The following PACS1 variants were observed in gnomAD, a reference collection of about 807,000 sequenced individuals.
The protein encoded by PACS1 is phosphofurin acidic cluster sorting protein 1.
Under a neutral mutation model 115.0 loss-of-function variants are expected in PACS1, and 24 were observed. The ratio of observed to expected loss-of-function variants is 0.21; its 90% confidence interval spans 0.15 to 0.29. The LOEUF is 0.29. Among genes scored for constraint, PACS1 ranks in the 10% least tolerant of loss-of-function variants. The probability of loss-of-function intolerance (pLI) is 1.00; values close to 1 mark genes in which losing one functional copy is unlikely to be tolerated. For synonymous variants in PACS1, 453 were observed against 504.5 expected, an observed-to-expected ratio of 0.90 and a Z score of 1.37; for missense variants, 838 against 1,251.2, an observed-to-expected ratio of 0.67 and a Z score of 4.98.
At chr11:66,142,587 C>CTCA (rs1414457935) in intron 1 of PACS1, among the ~76,000 whole-genome samples, 2 of 142,482 alleles carry the variant, frequency 1.4e-5, no homozygotes, top group East Asian at 4.1e-4. Context: ...GGACTACAGG[C>CTCA]GTGAGGCACT....
At chr11:66,151,959 G>A (rs1170255414) in intron 1 of PACS1, among the ~76,000 whole-genome samples, 1 of 152,220 alleles carries the variant, frequency 6.6e-6, no homozygotes, top group Non-Finnish European at 1.5e-5. Flanking sequence ...GAGGCCGGGT[G>A]CAGTGGCTTA....
chr11:66,132,620 A>T (rs1858729970), intron 1 of PACS1, among the ~76,000 whole-genome samples: 1 of 152,194 alleles, frequency 6.6e-6, no homozygotes, highest in Non-Finnish European at 1.5e-5. Flanking sequence ...AAAAGTCTGT[A>T]CATGTTCAGT....
At chr11:66,237,388 T>C (rs1271611597) in intron 19 of PACS1, among the ~76,000 whole-genome samples, 1 of 152,220 alleles carries the variant, frequency 6.6e-6, no homozygotes, top group Admixed American at 6.5e-5. Context: ...TGTAATTTCC[T>C]TGAGGCTCCC....
intron 1 of PACS1, among the ~76,000 whole-genome samples, chr11:66,112,816 C>T (rs1223279666): frequency 6.6e-6 from 1 of 152,140 alleles, no homozygotes; most frequent in Admixed American, 6.5e-5. Context: ...ATAACAAAAG[C>T]TGGAAAGAAC....
chr11:66,079,085 T>G (rs552452188), intron 1 of PACS1, among the ~76,000 whole-genome samples: 1 of 152,280 alleles, frequency 6.6e-6, no homozygotes, highest in Admixed American at 6.5e-5. Flanking sequence ...TTTTTGTATT[T>G]TTAGTAGAGA....
At chr11:66,071,677 G>A (rs978934288) in intron 1 of PACS1, among the ~76,000 whole-genome samples, 17 of 152,118 alleles carry the variant, frequency 1.1e-4, no homozygotes, top group African/African-American at 3.6e-4. Context: ...GTGTGGAGCT[G>A]GTTTCACCCA....
chr11:66,185,789 T>C (rs1287423491), intron 1 of PACS1, among the ~76,000 whole-genome samples: 1 of 152,204 alleles, frequency 6.6e-6, no homozygotes, highest in African/African-American at 2.4e-5. Context: ...CACTGCCCTT[T>C]AAAATGGACT....
At chr11:66,238,069 C>T (rs1855739715) in intron 19 of PACS1, 1 of 985,244 alleles carries the variant, frequency 1.0e-6, no homozygotes, top group African/African-American at 1.7e-5. Context: ...AGCCTGGATG[C>T]TCACCTAGTC....
In PACS1 at chr11:66,235,423, G is replaced by C; in HGVS notation, c.2207+20G>C. On this transcript the variant is annotated intron_variant, in intron 18 of 23. Coordinates refer to ENST00000320580, the MANE Select transcript of PACS1 (RefSeq NM_018026.4). The surrounding 1 kb of genome is among the most constrained non-coding windows in gnomAD (Gnocchi z 5.6). ...TAAGTTGTAAGTTTGACTTTGAGGG[G>C]TTTCTTAAAAATAGGTTGGGTGGGT... 4 of 1,573,404 alleles carry C rather than the reference G, an allele frequency of 2.5e-6. No homozygotes were observed. The South Asian group carries it at 4.4e-5, about 17-fold the overall frequency.
intron 1 of PACS1, among the ~76,000 whole-genome samples, chr11:66,139,808 C>G (rs1281970774): frequency 1.3e-5 from 2 of 152,144 alleles, no homozygotes; most frequent in Non-Finnish European, 2.9e-5. Flanking sequence ...CTGCAGTAAA[C>G]ATGGGAATGC....
chr11:66,137,602 C>T (rs1400736282), intron 1 of PACS1, among the ~76,000 whole-genome samples: 1 of 152,194 alleles, frequency 6.6e-6, no homozygotes, highest in Non-Finnish European at 1.5e-5. Context: ...TCCTTCCTGC[C>T]TCAGCAGCCT....
chr11:66,119,828 C>T (rs1269307519), intron 1 of PACS1, among the ~76,000 whole-genome samples: 1 of 152,190 alleles, frequency 6.6e-6, no homozygotes, highest in Non-Finnish European at 1.5e-5. Context: ...GACGTCAGAA[C>T]TGTCCTTTAA....
chr11:66,110,566 G>T (rs1213693993), intron 1 of PACS1, among the ~76,000 whole-genome samples: 1 of 151,382 alleles, frequency 6.6e-6, no homozygotes, highest in African/African-American at 2.4e-5. Context: ...CTTTCCTGTA[G>T]TTTTTTTTTG....
chr11:66,144,545 T>G (rs181064796), intron 1 of PACS1, among the ~76,000 whole-genome samples: 2 of 152,340 alleles, frequency 1.3e-5, no homozygotes, highest in East Asian at 3.9e-4. Flanking sequence ...AATATAGAGT[T>G]GTACGGCAAT....
chr11:66,181,516 A>G (rs1443472103), intron 1 of PACS1, among the ~76,000 whole-genome samples: 1 of 152,034 alleles, frequency 6.6e-6, no homozygotes, highest in African/African-American at 2.4e-5. Context: ...ACCCGGCCCT[A>G]TTGCTCTTTT....
intron 1 of PACS1, among the ~76,000 whole-genome samples, chr11:66,155,339 T>C (rs1859326033): frequency 6.6e-6 from 1 of 152,158 alleles, no homozygotes; most frequent in Non-Finnish European, 1.5e-5. Flanking sequence ...ATGTACAATA[T>C]GGGATAAAAT....
At chr11:66,104,778 G>A (rs1210462912) in intron 1 of PACS1, among the ~76,000 whole-genome samples, 1 of 152,124 alleles carries the variant, frequency 6.6e-6, no homozygotes, top group Non-Finnish European at 1.5e-5. Context: ...TTTATAGCCT[G>A]AGAAAGTAAG....
intron 1 of PACS1, among the ~76,000 whole-genome samples, chr11:66,113,894 A>G (rs1858243453): frequency 6.6e-6 from 1 of 152,194 alleles, no homozygotes. Flanking sequence ...ATATATGACC[A>G]CAGCCTCATA....
intron 1 of PACS1, among the ~76,000 whole-genome samples, chr11:66,104,981 G>A (rs1293362949): frequency 6.6e-6 from 1 of 152,042 alleles, no homozygotes; most frequent in Non-Finnish European, 1.5e-5. Flanking sequence ...CTTCTCTTCT[G>A]TATTACACAC....
Sources: allele counts gnomAD v4.1 joint callset (sites outside exome capture counted in the v4.1 genomes callset), GRCh38; gene constraint gnomAD v4.1.1; non-coding constraint Gnocchi (gnomAD v3.1); transcripts MANE v1.5; gene names NCBI Gene and HGNC (gene_info 2026-07-23, HGNC 2026-07-21).